Variants in BCKDHB observed in about 807,000 individuals in gnomAD.
The protein encoded by BCKDHB is 2-oxoisovalerate dehydrogenase subunit beta, mitochondrial.
BCKDHB carries 41 observed loss-of-function variants against 48.5 expected under a neutral mutation model. That is an observed-to-expected ratio of 0.85 (90% CI 0.66 to 1.10). The LOEUF (loss-of-function observed/expected upper bound fraction) is 1.10. BCKDHB is among the 50% of genes least tolerant of loss of function. The pLI, the probability that BCKDHB is intolerant of heterozygous loss-of-function variation, is 0.00. For missense variants in BCKDHB, 496 were observed against 494.2 expected (o/e 1.00, Z -0.03); for synonymous variants, 201 against 174.8 (o/e 1.15, Z -1.18).
the BCKDHB span, among the ~76,000 whole-genome samples, chr6:80,375,538 G>A: frequency 6.6e-6 from 1 of 151,658 alleles, no homozygotes; most frequent in Non-Finnish European, 1.5e-5. Context: ...TTTCACTGAA[G>A]ATTTTTTCAT....
At chr6:80,311,712 G>T (rs1362974610) in intron 9 of BCKDHB, among the ~76,000 whole-genome samples, 1 of 152,058 alleles carries the variant, frequency 6.6e-6, no homozygotes, top group Non-Finnish European at 1.5e-5. Flanking sequence ...TTTTTGTCAG[G>T]TTCATCAAAG....
intron 3 of BCKDHB, among the ~76,000 whole-genome samples, chr6:80,143,724 C>T (rs149635988): frequency 3.3e-5 from 5 of 152,298 alleles, no homozygotes; most frequent in South Asian, 2.1e-4. Context: ...CACCCAAAGG[C>T]GGCTTTAGCA....
At chr6:80,305,770 C>T (rs557350859) in intron 9 of BCKDHB, among the ~76,000 whole-genome samples, 2 of 152,294 alleles carry the variant, frequency 1.3e-5, no homozygotes, top group African/African-American at 4.8e-5. Flanking sequence ...TGTTCTGCCT[C>T]TCACCTACCA....
chr6:80,112,120 A>G (rs2490236), intron 1 of BCKDHB, among the ~76,000 whole-genome samples: 116,918 of 152,180 alleles, frequency 0.77, 46,059 homozygotes, highest in African/African-American at 0.94. Flanking sequence ...AGCCAATCTG[A>G]TAGACACAAC....
At chr6:80,318,937 C>G (rs772870389) in intron 9 of BCKDHB, among the ~76,000 whole-genome samples, 4 of 152,118 alleles carry the variant, frequency 2.6e-5, no homozygotes, top group Non-Finnish European at 5.9e-5. Context: ...GGAAGGTTCT[C>G]AAGCCAATCC....
At chr6:80,267,274 C>A (rs894103045) in intron 8 of BCKDHB, among the ~76,000 whole-genome samples, 4 of 152,010 alleles carry the variant, frequency 2.6e-5, no homozygotes, top group African/African-American at 9.7e-5. Context: ...GAGTGTGCTG[C>A]CTTCACCTTA....
At position 80,152,577 on chromosome 6, in the gene BCKDHB, C is replaced by T. The variant is rs139566147; in HGVS notation, c.344-15101C>T. Among the ~76,000 whole-genome samples, 265 of 152,264 alleles carry T rather than the reference C, an allele frequency of 1.7e-3. 1 individual carries two copies. Among genetic ancestry groups the T allele is most frequent in the African/African-American group, 6.0e-3 (251 of 41,562 alleles). On this transcript the variant is annotated intron_variant, in intron 3 of 9. Coordinates refer to ENST00000320393, the MANE Select transcript of BCKDHB (RefSeq NM_183050.4). The stretch of plus-strand genomic sequence containing the variant: ...TCATAATCATTTGTTTCATTCATGA[C>T]AGGGTGATTTCCAAAGTACAGACAT...
the BCKDHB span, among the ~76,000 whole-genome samples, chr6:80,427,699 A>G: frequency 1.3e-5 from 2 of 152,150 alleles, no homozygotes; most frequent in African/African-American, 4.8e-5. Flanking sequence ...ATCTTTATTA[A>G]ATCTTCATTT....
At chr6:80,359,663 G>T in the BCKDHB span, among the ~76,000 whole-genome samples, 1 of 151,982 alleles carries the variant, frequency 6.6e-6, no homozygotes, top group Non-Finnish European at 1.5e-5. Flanking sequence ...GGCGCTATCT[G>T]GGCTCACTGC....
chr6:80,108,392 G>A lies in BCKDHB; in HGVS notation c.196+1503G>A, dbSNP rs140718846. On this transcript the variant is annotated intron_variant, in intron 1 of 9. Transcript: ENST00000320393. ...CTGTCTTCAAAGCAAAGAAATTTTGGTCTAATACTTGAGAAATAGTCCAAC... is the reference window on the plus strand; with the variant it reads ...CTGTCTTCAAAGCAAAGAAATTTTGATCTAATACTTGAGAAATAGTCCAAC... Among the ~76,000 whole-genome samples, 469 of 149,592 alleles carry A rather than the reference G, an allele frequency of 3.1e-3. 5 individuals are homozygous for A. Among genetic ancestry groups the A allele is most frequent in the African/African-American group, 0.011 (440 of 40,548 alleles).
At chr6:80,385,451 G>A in the BCKDHB span, among the ~76,000 whole-genome samples, 1 of 152,178 alleles carries the variant, frequency 6.6e-6, no homozygotes, top group Non-Finnish European at 1.5e-5. Context: ...TGAAGCTGGG[G>A]ACACTGAGTT....
chr6:80,321,126 C>T (rs1768693514), intron 9 of BCKDHB, among the ~76,000 whole-genome samples: 5 of 152,006 alleles, frequency 3.3e-5, no homozygotes, highest in Admixed American at 2.0e-4. Context: ...CATCTAGGGC[C>T]GATAACTTCT....
intron 8 of BCKDHB, among the ~76,000 whole-genome samples, chr6:80,204,497 T>G (rs1774544483): frequency 1.3e-5 from 2 of 152,124 alleles, no homozygotes; most frequent in Non-Finnish European, 2.9e-5. Flanking sequence ...ATAGTTAAAC[T>G]AGAGTTGTCT....
At chr6:80,250,771 A>G (rs1464677631) in intron 8 of BCKDHB, among the ~76,000 whole-genome samples, 1 of 152,192 alleles carries the variant, frequency 6.6e-6, no homozygotes, top group Non-Finnish European at 1.5e-5. Context: ...CACAGTGGAT[A>G]TACAGCATGC....
chr6:80,144,703 A>G (rs1185724865), intron 3 of BCKDHB, among the ~76,000 whole-genome samples: 2 of 152,136 alleles, frequency 1.3e-5, no homozygotes, highest in Non-Finnish European at 2.9e-5. Context: ...TTTCTTTCTT[A>G]AAGCATGAAG....
At chr6:80,217,013 C>T (rs879384472) in intron 8 of BCKDHB, among the ~76,000 whole-genome samples, 3 of 152,020 alleles carry the variant, frequency 2.0e-5, no homozygotes, top group Admixed American at 6.6e-5. Flanking sequence ...GAGCCTGAGG[C>T]GGGTGGATCA....
chr6:80,127,723 T>C (rs1770419811), intron 2 of BCKDHB, 99 bp downstream of exon 2: 5 of 1,086,688 alleles, frequency 4.6e-6, no homozygotes, highest in Non-Finnish European at 7.1e-6. Context: ...TAACATTGTA[T>C]CTACCTGACA....
chr6:80,334,804 A>G lies in BCKDHB; in HGVS notation c.1039-8860A>G, dbSNP rs573746358. ...TAAAAGAAATTTAGCATATTTAAAGAGAAGGGAAAAAGCAGTAAAATAAAA... is the reference window on the plus strand; with the variant it reads ...TAAAAGAAATTTAGCATATTTAAAGGGAAGGGAAAAAGCAGTAAAATAAAA... On this transcript the variant is annotated intron_variant, in intron 9 of 9. Coordinates refer to ENST00000320393, the MANE Select transcript of BCKDHB (RefSeq NM_183050.4). 4.3e-5 allele frequency among the ~76,000 whole-genome samples: 5 copies of G among 117,202 alleles called. No individual in the cohort carries two copies. The South Asian group carries it at 1.3e-3, about 31-fold the overall frequency. The allele number at this position is 117,202 out of a possible 152,430, so 76.9% of individuals were successfully genotyped here.
chr6:80,216,711 GT>G (rs1775188942), intron 8 of BCKDHB, among the ~76,000 whole-genome samples: 1 of 152,166 alleles, frequency 6.6e-6, no homozygotes, highest in South Asian at 2.1e-4. Flanking sequence ...CATTTTAGGT[GT>G]AATACAAGAA....
Sources: allele counts gnomAD v4.1 joint callset (sites outside exome capture counted in the v4.1 genomes callset), GRCh38; gene constraint gnomAD v4.1.1; transcripts MANE v1.5; gene names NCBI Gene and HGNC (gene_info 2026-07-23, HGNC 2026-07-21).